Variants in DPP10 observed in about 807,000 individuals in gnomAD.
DPP10 encodes dipeptidyl peptidase like 10.
In DPP10, 33 loss-of-function variants were observed where a neutral mutation model predicts 120.9. That is an observed-to-expected ratio of 0.27 (90% CI 0.21 to 0.37). The LOEUF is 0.37. Ranked by LOEUF, DPP10 falls within the 10% of genes least tolerant of loss-of-function variation. The pLI, the probability that DPP10 is intolerant of heterozygous loss-of-function variation, is 1.00. For missense variants in DPP10, 816 were observed against 942.8 expected (o/e 0.87, Z 1.76); for synonymous variants, 337 against 326.1 (o/e 1.03, Z -0.36).
intron 21 of DPP10, among the ~76,000 whole-genome samples, chr2:115,833,938 T>G (rs1689185047): frequency 6.6e-6 from 1 of 152,162 alleles, no homozygotes; most frequent in African/African-American, 2.4e-5. Flanking sequence ...TATTTTTCTT[T>G]CTTAGGTAGG....
At chr2:115,628,793 T>G (rs555987478) in intron 5 of DPP10, among the ~76,000 whole-genome samples, 11 of 151,836 alleles carry the variant, frequency 7.2e-5, no homozygotes, top group South Asian at 2.1e-4. Context: ...TTAGTTTTTG[T>G]TTTTTTTCTA....
At chr2:115,641,127 C>T (rs902691388) in intron 5 of DPP10, among the ~76,000 whole-genome samples, 2 of 152,150 alleles carry the variant, frequency 1.3e-5, no homozygotes, top group African/African-American at 2.4e-5. Context: ...CCAAATCCAG[C>T]GGCTGCTCTT....
chr2:115,688,306 T>C (rs1242308345), intron 5 of DPP10, among the ~76,000 whole-genome samples: 1 of 152,204 alleles, frequency 6.6e-6, no homozygotes, highest in African/African-American at 2.4e-5. Context: ...GGTGGAAGGC[T>C]TGCAATTTCA....
intron 3 of DPP10, among the ~76,000 whole-genome samples, chr2:115,355,331 A>G (rs1344723001): frequency 6.6e-6 from 1 of 150,390 alleles, no homozygotes; most frequent in Non-Finnish European, 1.5e-5. Context: ...CCTTTTTTTC[A>G]TATGTTTGTT....
chr2:114,886,786 T>C (rs1318456394), intron 1 of DPP10, among the ~76,000 whole-genome samples: 1 of 152,238 alleles, frequency 6.6e-6, no homozygotes, highest in Non-Finnish European at 1.5e-5. Flanking sequence ...TGCAGTCATG[T>C]AGTCGAGGCC....
intron 1 of DPP10, among the ~76,000 whole-genome samples, chr2:115,242,950 A>C (rs1050960766): frequency 6.6e-6 from 1 of 152,178 alleles, no homozygotes; most frequent in African/African-American, 2.4e-5. Flanking sequence ...GCTTATGTAA[A>C]CCTTTATTGG....
chr2:114,580,312 A>T (rs1246413181), intron 1 of DPP10, among the ~76,000 whole-genome samples: 1 of 152,238 alleles, frequency 6.6e-6, no homozygotes, highest in Non-Finnish European at 1.5e-5. Context: ...TACATTAAAG[A>T]TGTGATTAAT....
chr2:114,775,984 C>A (rs555207969), intron 1 of DPP10, among the ~76,000 whole-genome samples: 1 of 152,194 alleles, frequency 6.6e-6, no homozygotes, highest in Non-Finnish European at 1.5e-5. Context: ...GACCCAGAAG[C>A]AGAGGAGGTT....
chr2:114,885,624 A>G (rs1166027270), intron 1 of DPP10, among the ~76,000 whole-genome samples: 1 of 152,134 alleles, frequency 6.6e-6, no homozygotes, highest in Non-Finnish European at 1.5e-5. Context: ...GTTTGCTGTC[A>G]TTGTTCTTTT....
intron 1 of DPP10, among the ~76,000 whole-genome samples, chr2:115,082,419 T>C (rs557260044): frequency 6.6e-6 from 1 of 152,338 alleles, no homozygotes; most frequent in South Asian, 2.1e-4. Flanking sequence ...GGTTATGGCA[T>C]GTAACCAGAA....
chr2:114,942,285 G>A (rs1242762822), intron 1 of DPP10, among the ~76,000 whole-genome samples: 3 of 114,148 alleles, frequency 2.6e-5, no homozygotes, highest in African/African-American at 1.1e-4. Flanking sequence ...AAAAAAAAAT[G>A]TGTATATATA....
rs530613755 is a variant in DPP10, at chr2:115,407,394, C to A, written c.271+63482C>A. Among the ~76,000 whole-genome samples, 6 of 152,262 alleles carry A rather than the reference C, an allele frequency of 3.9e-5. No individual in the cohort carries two copies. The South Asian group carries it at 8.3e-4, about 21-fold the overall frequency. On this transcript the variant is annotated intron_variant, in intron 3 of 25. Coordinates refer to ENST00000410059, the MANE Select transcript of DPP10 (RefSeq NM_020868.6). ...ATAAGGATAAGGATAAACACGAAGA[C>A]CAATCTTAACTGCTTCCTGAAGACA...
chr2:115,554,291 CAA>C (rs1434060605), intron 5 of DPP10, among the ~76,000 whole-genome samples: 5 of 151,686 alleles, frequency 3.3e-5, no homozygotes, highest in Non-Finnish European at 7.4e-5. Context: ...CAAGCAGAGA[CAA>C]GAGATAGAGA....
chr2:115,825,714 T>C (rs1308141261), intron 21 of DPP10, among the ~76,000 whole-genome samples: 1 of 152,240 alleles, frequency 6.6e-6, no homozygotes, highest in Non-Finnish European at 1.5e-5. Context: ...AAGCTTTTTA[T>C]TTCTTTACTG....
At chr2:115,188,134 A>C (rs951616040) in intron 1 of DPP10, among the ~76,000 whole-genome samples, 2 of 152,094 alleles carry the variant, frequency 1.3e-5, no homozygotes, top group African/African-American at 4.8e-5. Flanking sequence ...AGTTTCAAGA[A>C]TTTTGCTGAT....
At position 115,149,843 on chromosome 2, in the gene DPP10, T is replaced by C. The variant is rs143312203; in HGVS notation, c.61-159396T>C. Among the ~76,000 whole-genome samples the C allele has an allele frequency of 3.9e-3, 601 of 152,330 alleles. 5 individuals carry two copies. The highest frequency in any genetic ancestry group is 0.014 in the African/African-American group (570 of 41,574). ...ACTAAAAAATTATTCGTTGTGTATCTGAAACTCAAATTTAATTGAGCACCC... is the reference window on the plus strand; with the variant it reads ...ACTAAAAAATTATTCGTTGTGTATCCGAAACTCAAATTTAATTGAGCACCC... On this transcript the variant is annotated intron_variant, in intron 1 of 25. Transcript: ENST00000410059.
chr2:115,619,391 A>T (rs2084778406), intron 5 of DPP10, among the ~76,000 whole-genome samples: 1 of 151,962 alleles, frequency 6.6e-6, no homozygotes, highest in South Asian at 2.1e-4. Context: ...GTAGTTCTAA[A>T]ATTCAAGTCT....
At chr2:114,580,365 T>C (rs971131263) in intron 1 of DPP10, among the ~76,000 whole-genome samples, 1 of 152,218 alleles carries the variant, frequency 6.6e-6, no homozygotes, top group African/African-American at 2.4e-5. Flanking sequence ...ATAGTTTCAA[T>C]GAAAAATGCT....
chr2:115,341,479 G>C (rs985821195), intron 2 of DPP10, among the ~76,000 whole-genome samples: 1 of 152,044 alleles, frequency 6.6e-6, no homozygotes, highest in African/African-American at 2.4e-5. Flanking sequence ...CCCAAGGTCT[G>C]TTTGGATTCA....
Sources: allele counts gnomAD v4.1 joint callset (sites outside exome capture counted in the v4.1 genomes callset), GRCh38; gene constraint gnomAD v4.1.1; transcripts MANE v1.5; gene names NCBI Gene and HGNC (gene_info 2026-07-23, HGNC 2026-07-21).